The following DTWD2 variants were observed in gnomAD, a reference collection of about 807,000 sequenced individuals.
The protein encoded by DTWD2 is tRNA-uridine aminocarboxypropyltransferase 2.
Under a neutral mutation model 31.8 loss-of-function variants are expected in DTWD2, and 39 were observed. That is an observed-to-expected ratio of 1.22 (90% CI 0.95 to 1.60). The LOEUF is 1.60. DTWD2 is among the 40% of genes most tolerant of loss of function. The pLI is 0.00. For synonymous variants in DTWD2, 180 were observed against 142.8 expected (o/e 1.26, Z -1.86); for missense variants, 515 against 381.5 (o/e 1.35, Z -2.92).
chr5:118,929,349 T>C (rs1214529566), intron 3 of DTWD2, among the ~76,000 whole-genome samples: 1 of 152,142 alleles, frequency 6.6e-6, no homozygotes, highest in Non-Finnish European at 1.5e-5. Context: ...AATGGCTGAG[T>C]CTTGGCCAAT....
At chr5:118,953,001 C>T (rs1471236538) in intron 1 of DTWD2, among the ~76,000 whole-genome samples, 1 of 152,160 alleles carries the variant, frequency 6.6e-6, no homozygotes, top group Non-Finnish European at 1.5e-5. Context: ...ATGATGAACC[C>T]TCTAAGAGCA....
At chr5:118,913,574 G>C (rs1753508630) in intron 4 of DTWD2, among the ~76,000 whole-genome samples, 1 of 151,622 alleles carries the variant, frequency 6.6e-6, no homozygotes, top group Non-Finnish European at 1.5e-5. Context: ...CTTGTCACAA[G>C]AACAAAGATT....
At chr5:118,955,305 G>T (rs1754559933) in intron 1 of DTWD2, among the ~76,000 whole-genome samples, 1 of 152,032 alleles carries the variant, frequency 6.6e-6, no homozygotes. Flanking sequence ...TACTTTATAG[G>T]ACGCATTTCT....
At chr5:118,955,720 ACTT>A (rs575097892) in intron 1 of DTWD2, among the ~76,000 whole-genome samples, 10 of 152,036 alleles carry the variant, frequency 6.6e-5, no homozygotes, top group Admixed American at 2.6e-4. Flanking sequence ...ACTTGAGCCC[ACTT>A]TGAGGCTGTA....
intron 4 of DTWD2, among the ~76,000 whole-genome samples, chr5:118,904,755 G>T (rs79279783): frequency 6.6e-6 from 1 of 152,072 alleles, no homozygotes; most frequent in Non-Finnish European, 1.5e-5. Flanking sequence ...AAAGAACAGG[G>T]TTATTAAACG....
chr5:118,931,398 TAA>T (rs535859715), intron 3 of DTWD2, among the ~76,000 whole-genome samples: 3,176 of 109,664 alleles, frequency 0.029, 38 homozygotes, highest in Non-Finnish European at 0.029. Flanking sequence ...GACCTTGTCT[TAA>T]AAAAAAAAAA....
intron 4 of DTWD2, among the ~76,000 whole-genome samples, chr5:118,927,629 C>T (rs573988137): frequency 6.6e-6 from 1 of 152,008 alleles, no homozygotes; most frequent in Admixed American, 6.5e-5. Context: ...AATCTGCTAA[C>T]TTAGAGAAAA....
At chr5:118,886,663 T>C (rs1363600870) in intron 4 of DTWD2, among the ~76,000 whole-genome samples, 1 of 152,236 alleles carries the variant, frequency 6.6e-6, no homozygotes, top group East Asian at 1.9e-4. Context: ...TGCTGTATAC[T>C]ACATTGTGTA....
At chr5:118,851,600 G>A (rs1752006931) in intron 4 of DTWD2, among the ~76,000 whole-genome samples, 1 of 148,374 alleles carries the variant, frequency 6.7e-6, no homozygotes, top group South Asian at 2.1e-4. Context: ...TGCACGTATT[G>A]TCTTGATAAA....
chr5:118,882,959 G>A (rs1752775812), intron 4 of DTWD2, among the ~76,000 whole-genome samples: 1 of 152,210 alleles, frequency 6.6e-6, no homozygotes, highest in Non-Finnish European at 1.5e-5. Context: ...CAGAAAATGG[G>A]TTTTTGTTTC....
chr5:118,847,378 T>G (rs1172096440), intron 5 of DTWD2, among the ~76,000 whole-genome samples: 1 of 152,144 alleles, frequency 6.6e-6, no homozygotes, highest in African/African-American at 2.4e-5. Context: ...TGAGTTGTAT[T>G]TATCAAAACT....
chr5:118,851,806 T>C (rs1390912220), intron 4 of DTWD2, among the ~76,000 whole-genome samples: 6 of 150,280 alleles, frequency 4.0e-5, no homozygotes, highest in African/African-American at 1.5e-4. Context: ...AACCTGCACA[T>C]TGTGCACATG....
intron 4 of DTWD2, among the ~76,000 whole-genome samples, chr5:118,850,715 C>A (rs1252152772): frequency 6.6e-6 from 1 of 151,976 alleles, no homozygotes. Flanking sequence ...AAATTATCAA[C>A]ACAGCAATCC....
At chr5:118,949,487 G>T (rs1016054592) in intron 1 of DTWD2, among the ~76,000 whole-genome samples, 2 of 152,226 alleles carry the variant, frequency 1.3e-5, no homozygotes, top group African/African-American at 4.8e-5. Context: ...ATAAGGCATA[G>T]ATCCTGAACC....
chr5:118,960,748 T>A (rs1267645701), intron 1 of DTWD2, among the ~76,000 whole-genome samples: 2 of 150,608 alleles, frequency 1.3e-5, no homozygotes, highest in East Asian at 3.9e-4. Context: ...TATGCAGCCA[T>A]AAAAAAAAAC....
Position 118,959,993 on chromosome 5 carries a change from G to GA in DTWD2, c.219-15345dup, listed in dbSNP as rs1371481447. 3.9e-5 allele frequency among the ~76,000 whole-genome samples: 6 copies of GA among 152,170 alleles called. No homozygotes were observed. The East Asian group carries it at 1.2e-3, about 29-fold the overall frequency. On this transcript the variant is annotated intron_variant, in intron 1 of 5. Transcript: ENST00000510708. ...TAAAACCTAAAACTATAAAAATCCTGAAAGATAAACTAGAAAACACCACTA... is the reference window on the plus strand; with the variant it reads ...TAAAACCTAAAACTATAAAAATCCTGAAAAGATAAACTAGAAAACACCACTA...
intron 4 of DTWD2, among the ~76,000 whole-genome samples, chr5:118,851,973 T>C (rs1414752024): frequency 6.6e-6 from 1 of 152,072 alleles, no homozygotes; most frequent in African/African-American, 2.4e-5. Context: ...CATATCTCAG[T>C]CCTTATCTCA....
intron 1 of DTWD2, among the ~76,000 whole-genome samples, chr5:118,976,426 A>AATAG (rs879775900): frequency 1.3e-5 from 2 of 152,170 alleles, no homozygotes; most frequent in Non-Finnish European, 2.9e-5. Flanking sequence ...AGATTAACAA[A>AATAG]ATAGATAGAC....
intron 4 of DTWD2, among the ~76,000 whole-genome samples, chr5:118,886,326 T>C (rs998694264): frequency 6.6e-5 from 10 of 152,228 alleles, no homozygotes; most frequent in South Asian, 2.1e-4. Context: ...AGTTATCTTG[T>C]AGTCTACAAA....
Sources: allele counts gnomAD v4.1 joint callset (sites outside exome capture counted in the v4.1 genomes callset), GRCh38; gene constraint gnomAD v4.1.1; transcripts MANE v1.5; gene names NCBI Gene and HGNC (gene_info 2026-07-23, HGNC 2026-07-21).